KCNB2: variants seen among roughly 807,000 people sequenced by gnomAD.
The protein encoded by KCNB2 is potassium voltage-gated channel subfamily B member 2, also known as delayed rectifier potassium channel protein.
KCNB2 carries 15 observed loss-of-function variants against 61.5 expected under a neutral mutation model. The observed-to-expected ratio is 0.24, with a 90% CI of 0.16 to 0.38. The LOEUF is 0.38. KCNB2 is among the 10% of genes least tolerant of loss of function. KCNB2 has a pLI of 1.00. For synonymous variants in KCNB2, 457 were observed against 446.0 expected (o/e 1.02, Z -0.31); for missense variants, 828 against 1,125.2 (o/e 0.74, Z 3.78).
intron 2 of KCNB2, among the ~76,000 whole-genome samples, chr8:72,692,235 C>CAAAAA (rs34131843): frequency 2.6e-5 from 2 of 77,764 alleles, no homozygotes; most frequent in African/African-American, 5.3e-5. Context: ...GACTCTGTCT[C>CAAAAA]AAAAAAAAAA....
intron 1 of KCNB2, among the ~76,000 whole-genome samples, chr8:72,559,913 C>T (rs1032504949): frequency 2.0e-5 from 3 of 152,158 alleles, no homozygotes; most frequent in African/African-American, 7.2e-5. Context: ...TCAGACAAGT[C>T]ATGCGACCTC....
intron 2 of KCNB2, among the ~76,000 whole-genome samples, chr8:72,793,857 G>A (rs1808983712): frequency 6.6e-6 from 1 of 152,180 alleles, no homozygotes; most frequent in South Asian, 2.1e-4. Context: ...TCCAATTACA[G>A]TTGCCTTGAG....
At chr8:72,622,515 T>C (rs1049285960) in intron 2 of KCNB2, among the ~76,000 whole-genome samples, 1 of 152,196 alleles carries the variant, frequency 6.6e-6, no homozygotes, top group Non-Finnish European at 1.5e-5. Flanking sequence ...CACAGTGAGA[T>C]GGGGATGAAA....
At chr8:72,649,841 C>T (rs994564662) in intron 2 of KCNB2, among the ~76,000 whole-genome samples, 2 of 152,112 alleles carry the variant, frequency 1.3e-5, no homozygotes, top group Non-Finnish European at 2.9e-5. Context: ...AATAGAACCA[C>T]CTGGAATGAC....
intron 2 of KCNB2, among the ~76,000 whole-genome samples, chr8:72,752,308 G>A (rs1344993653): frequency 1.3e-5 from 2 of 152,130 alleles, no homozygotes; most frequent in African/African-American, 2.4e-5. Flanking sequence ...TGGATCAGAG[G>A]TACCCAGATG....
At chr8:72,788,162 A>G (rs188371070) in intron 2 of KCNB2, among the ~76,000 whole-genome samples, 2 of 152,362 alleles carry the variant, frequency 1.3e-5, no homozygotes, top group Non-Finnish European at 2.9e-5. Flanking sequence ...TAGATATTTT[A>G]TAGCGAAAAT....
intron 2 of KCNB2, among the ~76,000 whole-genome samples, chr8:72,588,449 G>A (rs373268437): frequency 3.9e-4 from 59 of 151,700 alleles, no homozygotes; most frequent in Non-Finnish European, 7.4e-4. Flanking sequence ...GTGATCCGCC[G>A]ACCTCAGGTG....
intron 2 of KCNB2, among the ~76,000 whole-genome samples, chr8:72,845,766 A>G (rs1227484761): frequency 4.1e-5 from 4 of 97,786 alleles, no homozygotes; most frequent in Non-Finnish European, 2.3e-5. Flanking sequence ...CTCAAGCCTC[A>G]GTAATGGCAG....
intron 2 of KCNB2, among the ~76,000 whole-genome samples, chr8:72,643,953 G>A (rs1181175488): frequency 6.6e-6 from 1 of 152,080 alleles, no homozygotes; most frequent in African/African-American, 2.4e-5. Flanking sequence ...TTTAAATGAG[G>A]CAAATCAAAG....
chr8:72,740,351 T>C (rs1429585474), intron 2 of KCNB2, among the ~76,000 whole-genome samples: 1 of 152,190 alleles, frequency 6.6e-6, no homozygotes, highest in Non-Finnish European at 1.5e-5. Context: ...TGTTGAACAG[T>C]AGGGCTCTTG....
At chr8:72,834,918 A>C (rs1199528290) in intron 2 of KCNB2, among the ~76,000 whole-genome samples, 1 of 152,194 alleles carries the variant, frequency 6.6e-6, no homozygotes, top group East Asian at 1.9e-4. Context: ...AATAAGGCAA[A>C]TGATTTCTCC....
intron 2 of KCNB2, among the ~76,000 whole-genome samples, chr8:72,834,122 G>A (rs1809741308): frequency 6.6e-6 from 1 of 152,010 alleles, no homozygotes; most frequent in South Asian, 2.1e-4. Flanking sequence ...ACTTATTTAT[G>A]CATCTGTGTG....
chr8:72,842,934 C>T (rs1308124656), intron 2 of KCNB2, among the ~76,000 whole-genome samples: 1 of 152,142 alleles, frequency 6.6e-6, no homozygotes, highest in African/African-American at 2.4e-5. Context: ...TCTCTATCTG[C>T]TTCATTTCTG....
intron 2 of KCNB2, among the ~76,000 whole-genome samples, chr8:72,668,296 CA>C (rs1806510698): frequency 6.6e-6 from 1 of 152,196 alleles, no homozygotes; most frequent in African/African-American, 2.4e-5. Flanking sequence ...CTTAATTCCT[CA>C]GTTTCCAGCT....
At chr8:72,725,571 A>ATATATGTATGTATATATATATATG in intron 2 of KCNB2, among the ~76,000 whole-genome samples, 1 of 91,396 alleles carries the variant, frequency 1.1e-5, no homozygotes, top group African/African-American at 5.3e-5. Flanking sequence ...ATATGTATAT[A>ATATATGTATGTATATATATATATG]TATGTATATA....
At chr8:72,615,340 A>G (rs1368068048) in intron 2 of KCNB2, among the ~76,000 whole-genome samples, 12 of 152,186 alleles carry the variant, frequency 7.9e-5, no homozygotes, top group Non-Finnish European at 1.8e-4. Context: ...CGACTGCTAC[A>G]TGGCTCTGAA....
At chr8:72,586,403 A>G (rs901744522) in intron 2 of KCNB2, among the ~76,000 whole-genome samples, 1 of 152,218 alleles carries the variant, frequency 6.6e-6, no homozygotes, top group Admixed American at 6.5e-5. Flanking sequence ...AAGACAACAA[A>G]ATTTATAAAT....
At chr8:72,745,306 C>T (rs1808040277) in intron 2 of KCNB2, among the ~76,000 whole-genome samples, 1 of 151,980 alleles carries the variant, frequency 6.6e-6, no homozygotes, top group Non-Finnish European at 1.5e-5. Context: ...CATGCATGCT[C>T]CTAGTTACCC....
In KCNB2 at chr8:72,614,128, A is replaced by G. The variant is rs1255295441; in HGVS notation, c.579+45815A>G. Among the ~76,000 whole-genome samples the G allele has an allele frequency of 1.3e-5, 2 of 152,180 alleles. 1 individual carries two copies. Among genetic ancestry groups the G allele is most frequent in the Non-Finnish European group, 2.9e-5 (2 of 68,038 alleles). On this transcript the variant is annotated intron_variant, in intron 2 of 2. Transcript: ENST00000523207. ...CTCCTGAAAAAGAGTGTAATGTACA[A>G]TCTGCAGTAGGCAACTCTTGTTTCT...
Sources: allele counts gnomAD v4.1 joint callset (sites outside exome capture counted in the v4.1 genomes callset), GRCh38; gene constraint gnomAD v4.1.1; transcripts MANE v1.5; gene names NCBI Gene and HGNC (gene_info 2026-07-23, HGNC 2026-07-21).